Variants in NCAM2 observed in about 807,000 individuals in gnomAD.
The protein encoded by NCAM2 is N-CAM-2.
A neutral mutation model predicts 98.1 loss-of-function variants in NCAM2; 30 were observed. The ratio of observed to expected loss-of-function variants is 0.31; its 90% CI spans 0.23 to 0.41. The LOEUF (loss-of-function observed/expected upper bound fraction) is 0.41, where lower values mean the gene tolerates loss of function less well. Ranked by LOEUF, NCAM2 falls within the 10% of genes least tolerant of loss-of-function variation. The pLI is 1.00. For missense variants in NCAM2, 867 were observed against 1,005.8 expected (o/e 0.86, Z 1.87); for synonymous variants, 368 against 342.4 (o/e 1.07, Z -0.83).
intron 1 of NCAM2, among the ~76,000 whole-genome samples, chr21:21,237,043 G>A (rs981580255): frequency 7.2e-5 from 11 of 152,010 alleles, no homozygotes; most frequent in African/African-American, 2.7e-4. Context: ...CCTTATTTAT[G>A]TTTTTATCCC....
chr21:21,453,334 C>A (rs530322687), intron 12 of NCAM2, among the ~76,000 whole-genome samples: 4 of 151,410 alleles, frequency 2.6e-5, no homozygotes, highest in African/African-American at 9.7e-5. Flanking sequence ...CACATAAATA[C>A]CTAGGGAAGC....
chr21:21,175,501 C>T (rs2068254247), intron 1 of NCAM2, among the ~76,000 whole-genome samples: 1 of 151,950 alleles, frequency 6.6e-6, no homozygotes, highest in African/African-American at 2.4e-5. Context: ...CCACTGCACT[C>T]CAGCCTGGGC....
intron 1 of NCAM2, chr21:21,226,671 T>C (rs983612074): frequency 2.6e-5 from 4 of 152,106 alleles, no homozygotes; most frequent in East Asian, 1.9e-4. Context: ...AAGATGTCTG[T>C]ATCTGTGATT....
chr21:21,063,928 T>C (rs1424743809), intron 1 of NCAM2, among the ~76,000 whole-genome samples: 1 of 152,220 alleles, frequency 6.6e-6, no homozygotes, highest in Non-Finnish European at 1.5e-5. Context: ...TTTGCACACA[T>C]AATGATTTCT....
intron 15 of NCAM2, among the ~76,000 whole-genome samples, chr21:21,484,730 CAACCTTTT>C (rs1986197906): frequency 6.6e-6 from 1 of 152,152 alleles, no homozygotes; most frequent in African/African-American, 2.4e-5. Context: ...CCCCAATTAT[CAACCTTTT>C]AAGTGGATAA....
intron 1 of NCAM2, among the ~76,000 whole-genome samples, chr21:21,043,248 G>A (rs1259298567): frequency 1.3e-5 from 2 of 152,002 alleles, no homozygotes; most frequent in Non-Finnish European, 2.9e-5. Context: ...TTAACTCAGT[G>A]GCTAAGAACC....
intron 9 of NCAM2, among the ~76,000 whole-genome samples, chr21:21,387,360 A>T (rs550504989): frequency 2.6e-5 from 4 of 152,304 alleles, no homozygotes; most frequent in African/African-American, 9.6e-5. Flanking sequence ...TTAGGAATTT[A>T]ACATAGCAAT....
chr21:21,250,390 C>G (rs1162456153), intron 1 of NCAM2, among the ~76,000 whole-genome samples: 1 of 152,206 alleles, frequency 6.6e-6, no homozygotes, highest in African/African-American at 2.4e-5. Flanking sequence ...TCACATAATG[C>G]AACCATAGGT....
rs59203448 is a variant in NCAM2 at position 21,480,366 on chromosome 21, C to CAA, written c.2077+2915_2077+2916dup. ...TGGGCGACAGAGCGAGACTCCATCT[C>CAA]AAAAAAAAAAAAAAAAAAAAAGAAT... On this transcript the variant is annotated intron_variant, in intron 15 of 17. Transcript: ENST00000400546. Among the ~76,000 whole-genome samples the CAA allele has an allele frequency of 1.1e-3, 78 of 69,790 alleles. 2 individuals are homozygous for CAA. Among genetic ancestry groups the CAA allele is most frequent in the African/African-American group, 2.9e-3 (48 of 16,686 alleles). 45.8% of individuals were successfully genotyped at this position (69,790 alleles called of 152,430 possible).
At chr21:21,443,206 CAT>C (rs1018329511) in intron 12 of NCAM2, among the ~76,000 whole-genome samples, 1 of 152,098 alleles carries the variant, frequency 6.6e-6, no homozygotes, top group African/African-American at 2.4e-5. Context: ...TGTTCTCACT[CAT>C]AAGTGGGAGT....
At chr21:21,005,758 T>C (rs949820378) in intron 1 of NCAM2, among the ~76,000 whole-genome samples, 2 of 151,984 alleles carry the variant, frequency 1.3e-5, no homozygotes, top group African/African-American at 4.8e-5. Context: ...TTTCTTTTTC[T>C]TTTTAACACT....
At chr21:21,476,065 C>A (rs1985126609) in intron 14 of NCAM2, among the ~76,000 whole-genome samples, 1 of 152,088 alleles carries the variant, frequency 6.6e-6, no homozygotes, top group Non-Finnish European at 1.5e-5. Context: ...ACTTAATTGT[C>A]ACCAAAAATG....
At chr21:21,244,814 TC>T (rs2071200037) in intron 1 of NCAM2, among the ~76,000 whole-genome samples, 1 of 126,242 alleles carries the variant, frequency 7.9e-6, no homozygotes, top group Non-Finnish European at 1.6e-5. Context: ...GCCACTGCAC[TC>T]CTACCTGGGG....
chr21:21,345,630 C>G (rs1391345953), intron 8 of NCAM2, among the ~76,000 whole-genome samples: 1 of 151,788 alleles, frequency 6.6e-6, no homozygotes, highest in Non-Finnish European at 1.5e-5. Flanking sequence ...AGAAAATAGC[C>G]TCAAAATGAA....
chr21:21,102,671 T>TA (rs1273082284), intron 1 of NCAM2, among the ~76,000 whole-genome samples: 1 of 908 alleles, frequency 1.1e-3, no homozygotes, highest in Admixed American at 0.033. Flanking sequence ...ATATGATTTT[T>TA]TAAAATTAAT....
intron 12 of NCAM2, among the ~76,000 whole-genome samples, chr21:21,446,098 T>A (rs1980093203): frequency 6.6e-6 from 1 of 152,118 alleles, no homozygotes; most frequent in African/African-American, 2.4e-5. Context: ...TGATGCTTAG[T>A]TTGGCCGGGT....
intron 9 of NCAM2, among the ~76,000 whole-genome samples, chr21:21,407,207 T>C (rs1244396276): frequency 6.6e-6 from 1 of 152,236 alleles, no homozygotes. Context: ...GACATGCTAA[T>C]CTTGTGCCAG....
rs931184505 is a variant in NCAM2, at chr21:21,272,192, C to T, written c.56-8386C>T. ...AGAGATTGTAGACATATTAGACTGC[C>T]ATAGTCCAAATCAATGCTGATCACA... On this transcript the variant is annotated intron_variant, in intron 1 of 17. Coordinates refer to ENST00000400546, the MANE Select transcript of NCAM2 (RefSeq NM_004540.5). 2.0e-5 allele frequency among the ~76,000 whole-genome samples: 3 copies of T among 152,212 alleles called. No homozygotes were observed. The South Asian group carries it at 6.2e-4, about 32-fold the overall frequency.
At chr21:21,479,167 T>C (rs1033332027) in intron 15 of NCAM2, among the ~76,000 whole-genome samples, 12 of 151,390 alleles carry the variant, frequency 7.9e-5, no homozygotes, top group African/African-American at 2.4e-4. Flanking sequence ...TTTAATAATG[T>C]ATTAAATTTA....
Sources: gnomAD v4.1 joint callset for allele counts (sites outside exome capture counted in the v4.1 genomes callset) on GRCh38, gnomAD v4.1.1 for gene constraint, MANE v1.5 for transcripts, NCBI Gene and HGNC (gene_info 2026-07-23, HGNC 2026-07-21) for gene names.